TENM2: variants seen among roughly 807,000 people sequenced by gnomAD.
TENM2 encodes teneurin-2.
A neutral mutation model predicts 245.2 loss-of-function variants in TENM2; 52 were observed. The ratio of observed to expected loss-of-function variants is 0.21; its 90% CI spans 0.17 to 0.27. The LOEUF is 0.27. Ranked by LOEUF, TENM2 falls within the 10% of genes least tolerant of loss-of-function variation. TENM2 has a pLI of 1.00. For synonymous variants in TENM2, 1,363 were observed against 1,438.9 expected (o/e 0.95, Z 1.19); for missense variants, 3,046 against 3,666.8 (o/e 0.83, Z 4.37).
At chr5:168,057,038 G>GTA (rs1388461978) in intron 6 of TENM2, among the ~76,000 whole-genome samples, 1 of 151,972 alleles carries the variant, frequency 6.6e-6, no homozygotes, top group Non-Finnish European at 1.5e-5. Flanking sequence ...ACTCATGACT[G>GTA]TATATATATA....
At chr5:167,070,683 A>G in the TENM2 span, among the ~76,000 whole-genome samples, 5 of 151,968 alleles carry the variant, frequency 3.3e-5, no homozygotes, top group Non-Finnish European at 7.4e-5. Flanking sequence ...GAGGATTATA[A>G]CTTGTCTAGG....
intron 7 of TENM2, among the ~76,000 whole-genome samples, chr5:168,069,639 C>G (rs1041467366): frequency 1.3e-5 from 2 of 152,058 alleles, no homozygotes; most frequent in African/African-American, 2.4e-5. Context: ...AGTGGCAGTC[C>G]CCTTTTACAG....
At chr5:167,495,256 T>TTG (rs1768735697) in intron 2 of TENM2, among the ~76,000 whole-genome samples, 1 of 140,382 alleles carries the variant, frequency 7.1e-6, no homozygotes, top group African/African-American at 2.6e-5. Flanking sequence ...TTTTTTTTTT[T>TTG]GCATATTGAG....
At chr5:167,656,365 C>T (rs1031479520) in intron 2 of TENM2, among the ~76,000 whole-genome samples, 4 of 152,102 alleles carry the variant, frequency 2.6e-5, no homozygotes, top group Non-Finnish European at 4.4e-5. Flanking sequence ...AGCATGAGCA[C>T]GCATGGCCTG....
chr5:167,242,133 T>C, the TENM2 span, among the ~76,000 whole-genome samples: 1 of 148,896 alleles, frequency 6.7e-6, no homozygotes. Flanking sequence ...CACTGCAACC[T>C]CTGCCTCCCA....
At chr5:167,994,785 G>A (rs1038433668) in intron 5 of TENM2, among the ~76,000 whole-genome samples, 8 of 152,088 alleles carry the variant, frequency 5.3e-5, no homozygotes, top group Non-Finnish European at 1.0e-4. Context: ...CCCTAATTTC[G>A]AGTCATGTCT....
intron 6 of TENM2, among the ~76,000 whole-genome samples, chr5:168,053,383 T>G (rs2152063679): frequency 6.6e-6 from 1 of 152,282 alleles, no homozygotes; most frequent in Middle Eastern, 3.4e-3. Context: ...TCCCTTTCTG[T>G]GCATTTGCCC....
chr5:167,936,504 C>T (rs1235073800), intron 3 of TENM2, among the ~76,000 whole-genome samples: 1 of 152,160 alleles, frequency 6.6e-6, no homozygotes, highest in Admixed American at 6.5e-5. Flanking sequence ...TTTCAGGCTG[C>T]CTTTCTCCCT....
chr5:167,091,165 G>A, the TENM2 span, among the ~76,000 whole-genome samples: 1 of 152,008 alleles, frequency 6.6e-6, no homozygotes, highest in Non-Finnish European at 1.5e-5. Context: ...ACCAGATGTG[G>A]AACAGCTTAT....
intron 2 of TENM2, among the ~76,000 whole-genome samples, chr5:167,654,600 T>C (rs1754712993): frequency 6.6e-6 from 1 of 152,144 alleles, no homozygotes; most frequent in Non-Finnish European, 1.5e-5. Context: ...CTTTTTTTTT[T>C]TTTTACATTT....
intron 25 of TENM2, chr5:168,229,495 TGGGAGAGAG>T (rs376246046): frequency 3.6e-4 from 54 of 151,512 alleles, no homozygotes; most frequent in African/African-American, 1.3e-3. Flanking sequence ...TGCGGGGAGA[TGGGAGAGAG>T]GGGTAGATCA....
chr5:167,656,038 G>A (rs1445451068), intron 2 of TENM2, among the ~76,000 whole-genome samples: 2 of 152,146 alleles, frequency 1.3e-5, no homozygotes. Flanking sequence ...ATATTATACA[G>A]CTAATCCTGA....
At chr5:167,178,978 A>C in the TENM2 span, among the ~76,000 whole-genome samples, 1 of 152,170 alleles carries the variant, frequency 6.6e-6, no homozygotes, top group Admixed American at 6.5e-5. Context: ...ATGAACAGAG[A>C]ACCTTATATA....
chr5:168,194,059 C>T (rs527279771), intron 14 of TENM2, among the ~76,000 whole-genome samples: 1 of 152,078 alleles, frequency 6.6e-6, no homozygotes, highest in Non-Finnish European at 1.5e-5. Flanking sequence ...TTCAGGACAC[C>T]CAGGAATGCA....
At chr5:167,967,809 C>T (rs555686454) in intron 4 of TENM2, among the ~76,000 whole-genome samples, 48 of 152,284 alleles carry the variant, frequency 3.2e-4, no homozygotes, top group African/African-American at 1.1e-3. Context: ...TCTGTCTGTG[C>T]TCTTTCACCC....
At chr5:167,743,825 CT>C (rs1326981088) in intron 2 of TENM2, among the ~76,000 whole-genome samples, 1 of 152,156 alleles carries the variant, frequency 6.6e-6, no homozygotes, top group Non-Finnish European at 1.5e-5. Flanking sequence ...TAATCAGCCC[CT>C]ACTGAAGCGA....
chr5:167,646,017 C>A (rs1779904896), intron 2 of TENM2, among the ~76,000 whole-genome samples: 1 of 151,176 alleles, frequency 6.6e-6, no homozygotes, highest in Non-Finnish European at 1.5e-5. Flanking sequence ...GCTGTCACAG[C>A]CAGCTTAGTT....
intron 2 of TENM2, among the ~76,000 whole-genome samples, chr5:167,522,399 A>T (rs1240116309): frequency 6.6e-6 from 1 of 152,114 alleles, no homozygotes; most frequent in East Asian, 1.9e-4. Context: ...AGGTTGGATG[A>T]GATGTGAAAT....
intron 23 of TENM2, among the ~76,000 whole-genome samples, chr5:168,224,525 GCTCT>G (rs1763976994): frequency 2.6e-5 from 4 of 152,138 alleles, no homozygotes; most frequent in South Asian, 2.1e-4. Context: ...TTTCCTGAGT[GCTCT>G]CTGTCTTTGA....
Sources: allele counts gnomAD v4.1 joint callset (sites outside exome capture counted in the v4.1 genomes callset), GRCh38; gene constraint gnomAD v4.1.1; transcripts MANE v1.5; gene names NCBI Gene and HGNC (gene_info 2026-07-23, HGNC 2026-07-21).